The following ERV3-1 variants were observed in gnomAD, a reference collection of about 807,000 sequenced individuals.
ERV3-1 encodes endogenous retrovirus group 3 member 1 Env polyprotein.
A neutral mutation model predicts 24.6 loss-of-function variants in ERV3-1; 36 were observed. The observed-to-expected ratio is 1.47, with a 90% CI of 1.12 to 1.94. The LOEUF (loss-of-function observed/expected upper bound fraction) is 1.94. Among genes scored for constraint, ERV3-1 ranks in the 30% most tolerant of loss-of-function variants. The pLI is 0.00. For missense variants in ERV3-1, 578 were observed against 330.9 expected (o/e 1.75, Z -5.79); for synonymous variants, 211 against 122.6 (o/e 1.72, Z -4.76).
At position 64,992,780 on chromosome 7, in the gene ERV3-1, C is replaced by A; in HGVS notation, c.247G>T (p.Asp83Tyr). ...CAGGTCCCAGGTGAAGACTTAGGGT[C>A]ATAACACACATAAGGCTGGCCCCTT... ...PGRGQPYVCY[D>Y]PKSSPGTWFE... Residue 83 changes from aspartate to tyrosine, a missense_variant, in exon 2 of 2, where the codon GAC (aspartate) becomes TAC (tyrosine). Transcript: ENST00000394323. The A allele has an allele frequency of 2.6e-6, 2 of 766,402 alleles. No homozygotes were observed. The highest frequency in any genetic ancestry group is 4.8e-6 in the Non-Finnish European group (2 of 417,910). The allele number at this position is 766,402 out of a possible 1,614,324, so 47.5% of individuals were successfully genotyped here.
At position 64,992,785 on chromosome 7, in the gene ERV3-1, C is replaced by T. The variant is rs752690117; in HGVS notation, c.242G>A (p.Cys81Tyr). Residue 81 changes from cysteine to tyrosine, a missense_variant, in exon 2 of 2, where the codon TGT (cysteine) becomes TAT (tyrosine). Coordinates refer to ENST00000394323, the MANE Select transcript of ERV3-1 (RefSeq NM_001007253.4). ...CDPGRGQPYV[C>Y]YDPKSSPGTW... is the part of the protein sequence containing the mutation. The stretch of plus-strand genomic sequence containing the variant: ...CCCAGGTGAAGACTTAGGGTCATAA[C>T]ACACATAAGGCTGGCCCCTTCCTGG... 3.9e-6 allele frequency: 3 copies of T among 766,434 alleles called. No individual in the cohort carries two copies. The highest frequency in any genetic ancestry group is 2.7e-5 in the South Asian group (2 of 74,628). 47.5% of individuals were successfully genotyped at this position (766,434 alleles called of 1,614,324 possible).
At chr7:64,997,030 C>T (rs62456480) in intron 1 of ERV3-1, among the ~76,000 whole-genome samples, 5,612 of 152,312 alleles carry the variant, frequency 0.037, 166 homozygotes, top group East Asian at 0.15. Context: ...CTTCATTGCC[C>T]TCTGGACATT....
intron 1 of ERV3-1, among the ~76,000 whole-genome samples, chr7:64,999,132 A>G (rs1433086735): frequency 1.3e-5 from 2 of 152,140 alleles, no homozygotes; most frequent in Non-Finnish European, 2.9e-5. Context: ...GCAGTCCTGT[A>G]GCGTGAAGTC....
chr7:64,998,375 G>A (rs1259257100), intron 1 of ERV3-1, among the ~76,000 whole-genome samples: 1 of 152,098 alleles, frequency 6.6e-6, no homozygotes, highest in Non-Finnish European at 1.5e-5. Flanking sequence ...TGGATGCCCT[G>A]GCTGTCCTCC....
intron 1 of ERV3-1, among the ~76,000 whole-genome samples, chr7:64,999,568 C>T (rs1019940561): frequency 5.3e-5 from 8 of 152,268 alleles, no homozygotes; most frequent in East Asian, 1.9e-4. Context: ...TTAATCATAC[C>T]GTGACAGGTT....
intron 1 of ERV3-1, among the ~76,000 whole-genome samples, chr7:65,005,927 G>A (rs1786638067): frequency 6.6e-6 from 1 of 152,154 alleles, no homozygotes; most frequent in Non-Finnish European, 1.5e-5. Flanking sequence ...TACATGACCA[G>A]GGAATTTCCA....
chr7:64,995,761 A>G (rs1017404296), intron 1 of ERV3-1, among the ~76,000 whole-genome samples: 1 of 152,186 alleles, frequency 6.6e-6, no homozygotes, highest in Non-Finnish European at 1.5e-5. Flanking sequence ...CCTGCTTTCC[A>G]TAAGAGATGG....
chr7:65,002,690 G>A (rs1011229593), intron 1 of ERV3-1, among the ~76,000 whole-genome samples: 4 of 152,116 alleles, frequency 2.6e-5, no homozygotes, highest in Middle Eastern at 3.2e-3. Flanking sequence ...CCTGAACTTT[G>A]AGCTACTCTC....
At chr7:65,000,475 G>A (rs915543670) in intron 1 of ERV3-1, among the ~76,000 whole-genome samples, 30 of 152,138 alleles carry the variant, frequency 2.0e-4, no homozygotes, top group South Asian at 4.1e-4. Context: ...TGCCCACCTC[G>A]GCCTCCCAAA....
At position 64,992,052 on chromosome 7, in the gene ERV3-1, T is replaced by A; in HGVS notation, c.975A>T (p.Glu325Asp). 2 of 766,372 alleles carry A rather than the reference T, an allele frequency of 2.6e-6. No individual in the cohort carries two copies. The highest frequency in any genetic ancestry group is 4.8e-6 in the Non-Finnish European group (2 of 417,902). The allele number at this position is 766,372 out of a possible 1,614,324, so 47.5% of individuals were successfully genotyped here. A position where few individuals can be genotyped will look rare whatever the true frequency, so the allele number is the denominator to read the frequency against. ...AGATGCTCTGACTTGATGGTGCAGG[T>A]TCGAGGGAAGAGGCGGTTAGTGTGA... ...DNFTLTASSLEPAPSSQSIWF... is the reference protein window; with the variant it reads ...DNFTLTASSLDPAPSSQSIWF... Residue 325 changes from glutamate to aspartate, a missense_variant, in exon 2 of 2, where the codon GAA (glutamate) becomes GAT (aspartate). Transcript: ENST00000394323.
At position 64,992,675 on chromosome 7, in the gene ERV3-1, A is replaced by T. The variant is rs1318545931; in HGVS notation, c.352T>A (p.Ser118Thr). The change falls in exon 2 of 2, where the codon TCC becomes ACC. Residue 118 changes from serine (S) to threonine (T), a missense_variant. Transcript: ENST00000394323. ...KVFPSGKDVVSLYFDVCQIVS... is the reference protein window; with the variant it reads ...KVFPSGKDVVTLYFDVCQIVS... The stretch of plus-strand genomic sequence containing the variant: ...ATCTGGCAAACATCAAAGTATAAGG[A>T]TACGACATCCTTGCCAGAGGGAAAT... 1 of 766,432 alleles carries T rather than the reference A, an allele frequency of 1.3e-6. No homozygotes were observed. Among genetic ancestry groups the T allele is most frequent in the Non-Finnish European group, 2.4e-6 (1 of 417,894 alleles). 47.5% of individuals were successfully genotyped at this position (766,432 alleles called of 1,614,324 possible).
At chr7:64,997,435 C>G (rs969259437) in intron 1 of ERV3-1, among the ~76,000 whole-genome samples, 34 of 152,198 alleles carry the variant, frequency 2.2e-4, no homozygotes, top group African/African-American at 8.2e-4. Flanking sequence ...GAATGCTTTA[C>G]AGAGTCTCTC....
intron 1 of ERV3-1, among the ~76,000 whole-genome samples, chr7:64,996,340 C>T (rs1158941551): frequency 6.6e-6 from 1 of 152,224 alleles, no homozygotes. Flanking sequence ...CAAACCTGAA[C>T]TGGAGTTGCT....
chr7:65,003,240 A>G (rs956468408), intron 1 of ERV3-1, among the ~76,000 whole-genome samples: 7 of 152,198 alleles, frequency 4.6e-5, no homozygotes, highest in African/African-American at 1.7e-4. Context: ...TGTAACCCCA[A>G]CATTTTGGGA....
Position 65,006,645 on chromosome 7 carries a change from A to T in ERV3-1, c.-493T>A, listed in dbSNP as rs1786658431. 10 of 1,529,960 alleles carry T rather than the reference A, an allele frequency of 6.5e-6. No individual in the cohort carries two copies. The highest frequency in any genetic ancestry group is 5.4e-6 in the Non-Finnish European group (6 of 1,106,092). The allele number at this position is 1,529,960 out of a possible 1,614,324, so 94.8% of individuals were successfully genotyped here. A position where few individuals can be genotyped will look rare whatever the true frequency, so the allele number is the denominator to read the frequency against. ...GGGCCTCTAGGAGCAGAAGACACAG[A>T]GCAGTGAAGACTACACCAGAAGCTC... is the stretch of plus-strand genomic sequence containing the variant. On this transcript the variant is annotated 5_prime_UTR_variant, in exon 1 of 2. Coordinates refer to ENST00000394323, the MANE Select transcript of ERV3-1 (RefSeq NM_001007253.4).
chr7:64,991,921 T>C lies in ERV3-1; in HGVS notation c.1106A>G (p.Asn369Ser). ...ELTCLGQQYY[N>S]ETLGKTLWRG... ...CCATAAAGTCTTTCCTAGTGTCTCG[T>C]TGTAATATTGTTGTCCTAGGCAAGT... Residue 369 changes from asparagine to serine, a missense_variant, in exon 2 of 2, where the codon AAC becomes AGC. Physicochemically the swap from Asn to Ser is conservative, Grantham distance 46. Transcript: ENST00000394323. The C allele has an allele frequency of 2.6e-6, 2 of 766,400 alleles. No individual in the cohort carries two copies. The highest frequency in any genetic ancestry group is 2.4e-5 in the East Asian group (1 of 41,246). 47.5% of individuals were successfully genotyped at this position (766,400 alleles called of 1,614,324 possible).
chr7:64,993,273 G>C lies in ERV3-1; in HGVS notation c.-247C>G. On this transcript the variant is annotated 5_prime_UTR_variant, in exon 2 of 2. Transcript: ENST00000394323. The stretch of plus-strand genomic sequence containing the variant: ...CAGCTTCCGGAGTGACCAGAGCAGG[G>C]CTGTTGTCATCTCACTGGCACCTTG... 1 of 441,648 alleles carries C rather than the reference G, an allele frequency of 2.3e-6. No individual in the cohort carries two copies. Among genetic ancestry groups the C allele is most frequent in the Non-Finnish European group, 4.1e-6 (1 of 245,674 alleles). 27.4% of individuals were successfully genotyped at this position (441,648 alleles called of 1,614,324 possible). A position where few individuals can be genotyped will look rare whatever the true frequency, so the allele number is the denominator to read the frequency against.
In ERV3-1 at chr7:64,991,118, T is replaced by TAAGGCAAACTCCC; in HGVS notation, c.*81_*93dup. 1 of 607,028 alleles carries TAAGGCAAACTCCC rather than the reference T, an allele frequency of 1.6e-6. No homozygotes were observed. Among genetic ancestry groups the TAAGGCAAACTCCC allele is most frequent in the Non-Finnish European group, 2.9e-6 (1 of 340,294 alleles). The allele number at this position is 607,028 out of a possible 1,614,324, so 37.6% of individuals were successfully genotyped here. A position where few individuals can be genotyped will look rare whatever the true frequency, so the allele number is the denominator to read the frequency against. On this transcript the variant is annotated 3_prime_UTR_variant, in exon 2 of 2. Transcript: ENST00000394323. ...ATGAGGGGTAAGAGACAAGGGAGTA[T>TAAGGCAAACTCCC]AAGGCAAACTCCCAATATGGCTAGG...
chr7:64,992,274 G>C lies in ERV3-1; in HGVS notation c.753C>G (p.Phe251Leu), dbSNP rs771359231. The C allele has an allele frequency of 1.3e-6, 1 of 766,226 alleles. No individual in the cohort carries two copies. The highest frequency in any genetic ancestry group is 1.7e-5 in the African/African-American group (1 of 59,100). 47.5% of individuals were successfully genotyped at this position (766,226 alleles called of 1,614,324 possible). A position where few individuals can be genotyped will look rare whatever the true frequency, so the allele number is the denominator to read the frequency against. The change falls in exon 2 of 2, where the codon TTC becomes TTG. Residue 251 changes from phenylalanine to leucine, a missense_variant. By Grantham distance (22) the Phe-to-Leu change is conservative. Coordinates refer to ENST00000394323, the MANE Select transcript of ERV3-1 (RefSeq NM_001007253.4). The part of the protein sequence containing the change: ...KKTRTRSTQQ[F>L]RVFESFYEHV... The stretch of plus-strand genomic sequence containing the variant: ...GCTCATAGAATGACTCAAAAACTCG[G>C]AACTGTTGGGTTGAGCGGGTCCGAG...
Sources: gnomAD v4.1 joint callset for allele counts (sites outside exome capture counted in the v4.1 genomes callset) on GRCh38, gnomAD v4.1.1 for gene constraint, MANE v1.5 for transcripts, NCBI Gene and HGNC (gene_info 2026-07-23, HGNC 2026-07-21) for gene names.